The following MAGI2 variants were observed in gnomAD, a reference collection of about 807,000 sequenced individuals.
MAGI2 encodes membrane associated guanylate kinase, WW and PDZ domain containing 2.
In MAGI2, 35 loss-of-function variants were observed where a neutral mutation model predicts 133.3. That is an observed-to-expected ratio of 0.26 (90% CI 0.20 to 0.35). MAGI2 has a LOEUF of 0.35. Among genes scored for constraint, MAGI2 ranks in the 10% least tolerant of loss-of-function variants. The probability of loss-of-function intolerance (pLI) is 1.00; values close to 1 mark genes in which losing one functional copy is unlikely to be tolerated. For synonymous variants in MAGI2, 729 were observed against 710.6 expected, an observed-to-expected ratio of 1.03 and a Z score of -0.41; for missense variants, 1,636 against 1,863.4, an observed-to-expected ratio of 0.88 and a Z score of 2.25.
rs183204430 is a variant in MAGI2 at position 79,380,315 on chromosome 7, G to A, written c.301+72705C>T. On this transcript the variant is annotated intron_variant, in intron 1 of 21. Transcript: ENST00000354212. ...GTCCTTCACAACTTTGCCTTCTTTT[G>A]ATAACCGTTTTACTCCTCTTTCATT... 7.8e-3 allele frequency among the ~76,000 whole-genome samples: 1,191 copies of A among 151,774 alleles called. 7 individuals carry two copies. Among genetic ancestry groups the A allele is most frequent in the Middle Eastern group, 0.01 (3 of 294 alleles).
At chr7:79,236,154 C>T (rs1831906057) in intron 1 of MAGI2, among the ~76,000 whole-genome samples, 1 of 152,170 alleles carries the variant, frequency 6.6e-6, no homozygotes, top group Admixed American at 6.5e-5. Context: ...TATTAATTTT[C>T]TTTTCCTTTT....
intron 6 of MAGI2, among the ~76,000 whole-genome samples, chr7:78,431,588 T>A (rs1460095477): frequency 6.6e-6 from 1 of 152,044 alleles, no homozygotes; most frequent in Non-Finnish European, 1.5e-5. Context: ...AGAAACATAG[T>A]CTTGGAAGAA....
intron 2 of MAGI2, among the ~76,000 whole-genome samples, chr7:78,893,501 C>G (rs1315390555): frequency 6.6e-6 from 1 of 152,040 alleles, no homozygotes; most frequent in East Asian, 1.9e-4. Flanking sequence ...CAACGATAGA[C>G]TGGATTAAGA....
rs1410402932 is a variant in MAGI2 at position 79,387,809 on chromosome 7, T to C, written c.301+65211A>G. 5.3e-5 allele frequency among the ~76,000 whole-genome samples: 8 copies of C among 152,002 alleles called. No individual in the cohort carries two copies. In the East Asian group the frequency reaches 1.5e-3, roughly 29 times the overall value. Reference sequence around the variant, plus strand: ...CTTCCTTCTTTATTTCTTCTTTTTTTAAATTTGGAACATGATGGAAATTTT... The same window carrying C: ...CTTCCTTCTTTATTTCTTCTTTTTTCAAATTTGGAACATGATGGAAATTTT... On this transcript the variant is annotated intron_variant, in intron 1 of 21. Coordinates refer to ENST00000354212, the MANE Select transcript of MAGI2 (RefSeq NM_012301.4).
intron 1 of MAGI2, among the ~76,000 whole-genome samples, chr7:79,067,335 T>C (rs1294919808): frequency 6.6e-6 from 1 of 152,156 alleles, no homozygotes; most frequent in African/African-American, 2.4e-5. Flanking sequence ...TTGTAAGTTG[T>C]ATTCGTAGGT....
At chr7:78,447,053 T>C (rs940193851) in intron 6 of MAGI2, among the ~76,000 whole-genome samples, 4 of 152,074 alleles carry the variant, frequency 2.6e-5, no homozygotes, top group Admixed American at 6.6e-5. Context: ...TTTGGAAAGA[T>C]TGTAGCACTG....
At chr7:78,994,540 C>T (rs1806098067) in intron 2 of MAGI2, among the ~76,000 whole-genome samples, 1 of 152,066 alleles carries the variant, frequency 6.6e-6, no homozygotes, top group South Asian at 2.1e-4. Context: ...CTTCTATATT[C>T]TGGAGCCTCC....
intron 9 of MAGI2, among the ~76,000 whole-genome samples, chr7:78,342,489 A>C (rs1385511020): frequency 1.3e-5 from 2 of 152,208 alleles, no homozygotes; most frequent in African/African-American, 4.8e-5. Context: ...AAATCATTCT[A>C]CTATAAAGAC....
intron 1 of MAGI2, among the ~76,000 whole-genome samples, chr7:79,301,875 G>C (rs1732187101): frequency 6.6e-6 from 1 of 152,138 alleles, no homozygotes; most frequent in Admixed American, 6.6e-5. Flanking sequence ...GATAGTGAGT[G>C]AATTCTTACA....
chr7:79,098,083 C>T (rs1817668795), intron 1 of MAGI2, among the ~76,000 whole-genome samples: 1 of 152,150 alleles, frequency 6.6e-6, no homozygotes, highest in Non-Finnish European at 1.5e-5. Flanking sequence ...GATGGCACCT[C>T]TGCACTCCAG....
intron 2 of MAGI2, among the ~76,000 whole-genome samples, chr7:78,637,817 T>C (rs1050707462): frequency 6.6e-6 from 1 of 152,172 alleles, no homozygotes; most frequent in Non-Finnish European, 1.5e-5. Context: ...AAACTTGAAC[T>C]CAGCCAGGTG....
Position 79,166,162 on chromosome 7 carries a change from C to A in MAGI2, c.302-158956G>T, listed in dbSNP as rs531955533. On this transcript the variant is annotated intron_variant, in intron 1 of 21. Coordinates refer to ENST00000354212, the MANE Select transcript of MAGI2 (RefSeq NM_012301.4). ...AACTCTAAGGTGGCCCCAACATTCC[C>A]ATGCCTTGAATGTGGGTGGGACTGT... 3.9e-5 allele frequency among the ~76,000 whole-genome samples: 6 copies of A among 152,188 alleles called. No individual in the cohort carries two copies. In the South Asian group the frequency reaches 1.2e-3, roughly 32 times the overall value.
chr7:79,148,764 A>G, intron 1 of MAGI2, among the ~76,000 whole-genome samples: 1 of 151,638 alleles, frequency 6.6e-6, no homozygotes, highest in Admixed American at 6.6e-5. Flanking sequence ...TTGGTTACAA[A>G]GCCCTGGCTC....
chr7:78,514,642 C>T (rs181869851), intron 4 of MAGI2, among the ~76,000 whole-genome samples: 58 of 152,196 alleles, frequency 3.8e-4, no homozygotes, highest in Non-Finnish European at 6.8e-4. Context: ...AGGGCATTGG[C>T]GTTGGGGTGG....
At chr7:78,785,539 C>A (rs1826746446) in intron 2 of MAGI2, among the ~76,000 whole-genome samples, 1 of 152,130 alleles carries the variant, frequency 6.6e-6, no homozygotes, top group Non-Finnish European at 1.5e-5. Context: ...ATATGTGTAA[C>A]ATTTTTTTTA....
intron 1 of MAGI2, among the ~76,000 whole-genome samples, chr7:79,449,358 T>G (rs1849077253): frequency 6.6e-6 from 1 of 151,694 alleles, no homozygotes; most frequent in African/African-American, 2.4e-5. Context: ...TTAGAATTTT[T>G]TTTTTTTTTT....
intron 2 of MAGI2, among the ~76,000 whole-genome samples, chr7:78,835,565 A>C (rs1433219995): frequency 6.6e-6 from 1 of 152,216 alleles, no homozygotes; most frequent in Non-Finnish European, 1.5e-5. Flanking sequence ...GAGGTTGCTT[A>C]GGGTGCTCCA....
At chr7:78,782,376 C>G (rs974277367) in intron 2 of MAGI2, among the ~76,000 whole-genome samples, 1 of 151,998 alleles carries the variant, frequency 6.6e-6, no homozygotes, top group Admixed American at 6.6e-5. Flanking sequence ...CACAGTAGGC[C>G]GAGAGTCAGT....
chr7:78,340,480 A>C (rs1790250916), intron 9 of MAGI2, among the ~76,000 whole-genome samples: 1 of 152,196 alleles, frequency 6.6e-6, no homozygotes, highest in Non-Finnish European at 1.5e-5. Context: ...TCCTGATACC[A>C]AAACCTGGCA....
Sources: gnomAD v4.1 joint callset for allele counts (sites outside exome capture counted in the v4.1 genomes callset) on GRCh38, gnomAD v4.1.1 for gene constraint, MANE v1.5 for transcripts, NCBI Gene and HGNC (gene_info 2026-07-23, HGNC 2026-07-21) for gene names.